NFIA: variants seen among roughly 807,000 people sequenced by gnomAD.
The protein encoded by NFIA is nuclear factor I A.
A neutral mutation model predicts 62.8 loss-of-function variants in NFIA; 8 were observed. The observed-to-expected ratio is 0.13, with a 90% CI of 0.07 to 0.23. The LOEUF (loss-of-function observed/expected upper bound fraction) is 0.23. Ranked by LOEUF, NFIA falls within the 10% of genes least tolerant of loss-of-function variation. The pLI is 1.00. For missense variants in NFIA, 410 were observed against 642.1 expected (o/e 0.64, Z 3.91); for synonymous variants, 235 against 238.1 (o/e 0.99, Z 0.12).
Position 61,363,355 on chromosome 1 carries a change from A to C in NFIA, c.946+4081A>C, listed in dbSNP as rs143801496. Among the ~76,000 whole-genome samples the C allele has an allele frequency of 7.3e-3, 1,115 of 152,324 alleles. 6 individuals carry two copies. The highest frequency in any genetic ancestry group is 0.012 in the Non-Finnish European group (805 of 68,012). ...TGTGATGGCTCACGCCTGTAATCCC[A>C]GCACTTTGGGAGGCCGAGGTGGACG... On this transcript the variant is annotated intron_variant, in intron 6 of 10. Transcript: ENST00000403491.
intron 1 of NFIA, among the ~76,000 whole-genome samples, chr1:61,083,686 C>T (rs967214646): frequency 7.9e-5 from 12 of 151,406 alleles, no homozygotes; most frequent in Admixed American, 3.3e-4. Context: ...GGCCGCGGGC[C>T]GGGTAGCGCC....
At chr1:61,153,230 A>C (rs1350890235) in intron 2 of NFIA, among the ~76,000 whole-genome samples, 1 of 152,236 alleles carries the variant, frequency 6.6e-6, no homozygotes, top group Non-Finnish European at 1.5e-5. Context: ...CTAGTTTGCC[A>C]TAATCCCCAC....
At chr1:61,203,284 G>A (rs1158335324) in intron 2 of NFIA, among the ~76,000 whole-genome samples, 7 of 152,160 alleles carry the variant, frequency 4.6e-5, no homozygotes, top group Non-Finnish European at 1.0e-4. Context: ...ATAAGCCCCA[G>A]AATCTTTTGA....
intron 3 of NFIA, among the ~76,000 whole-genome samples, chr1:61,318,128 G>A (rs1660467103): frequency 6.6e-6 from 1 of 152,180 alleles, no homozygotes. Context: ...ATTTAGCCCT[G>A]AGTATTTGTT....
chr1:61,101,336 A>T (rs1337345878), intron 2 of NFIA, among the ~76,000 whole-genome samples: 2 of 149,828 alleles, frequency 1.3e-5, no homozygotes, highest in South Asian at 2.2e-4. Context: ...CAAAGGTTGT[A>T]GTGAGCTGAG....
intron 10 of NFIA, among the ~76,000 whole-genome samples, chr1:61,445,447 A>T (rs905277581): frequency 3.3e-5 from 5 of 152,220 alleles, no homozygotes; most frequent in Non-Finnish European, 5.9e-5. Flanking sequence ...AAATCTGAAC[A>T]TAAAAAGCAT....
chr1:61,219,720 A>AAAAAAG (rs1553162641), intron 2 of NFIA, among the ~76,000 whole-genome samples: 2 of 150,610 alleles, frequency 1.3e-5, no homozygotes, highest in African/African-American at 2.5e-5. Flanking sequence ...TCTCAAAAAA[A>AAAAAAG]AAAAAAGAAA....
chr1:61,211,481 TTA>T (rs1261525295), intron 2 of NFIA, among the ~76,000 whole-genome samples: 1 of 152,186 alleles, frequency 6.6e-6, no homozygotes, highest in African/African-American at 2.4e-5. Flanking sequence ...CTTTCATGGA[TTA>T]TCTCATTTAA....
chr1:61,078,133 C>G (rs1196742762), upstream of NFIA, among the ~76,000 whole-genome samples: 1 of 151,914 alleles, frequency 6.6e-6, no homozygotes, highest in Non-Finnish European at 1.5e-5. Context: ...TTCTCAATAG[C>G]CAGAGGGGGC....
chr1:61,228,691 A>T lies in NFIA; in HGVS notation c.560-48829A>T, dbSNP rs913373748. ...AAATACTGGGCTTTCTGTATTTTTTAAAAAAAATGTGTACATGAAGGTTTT... is the reference window on the plus strand; with the variant it reads ...AAATACTGGGCTTTCTGTATTTTTTTAAAAAAATGTGTACATGAAGGTTTT... On this transcript the variant is annotated intron_variant, in intron 2 of 10. Coordinates refer to ENST00000403491, the MANE Select transcript of NFIA (RefSeq NM_001134673.4). Among the ~76,000 whole-genome samples, 56 of 123,608 alleles carry T rather than the reference A, an allele frequency of 4.5e-4. No homozygotes were observed. The Middle Eastern group carries it at 0.012, about 26-fold the overall frequency. 81.1% of individuals were successfully genotyped at this position (123,608 alleles called of 152,430 possible). A position where few individuals can be genotyped will look rare whatever the true frequency, so the allele number is the denominator to read the frequency against.
intron 3 of NFIA, among the ~76,000 whole-genome samples, chr1:61,332,227 A>T (rs550533324): frequency 6.6e-6 from 1 of 152,284 alleles, no homozygotes; most frequent in Non-Finnish European, 1.5e-5. Flanking sequence ...CAAGGTAACT[A>T]TTTATTGTAA....
intron 2 of NFIA, among the ~76,000 whole-genome samples, chr1:61,141,024 C>A (rs1230571303): frequency 7.0e-6 from 1 of 141,992 alleles, no homozygotes; most frequent in Non-Finnish European, 1.5e-5. Flanking sequence ...AGAGGAACGC[C>A]AACAGAATGG....
At chr1:61,363,471 C>T (rs2100451043) in intron 6 of NFIA, among the ~76,000 whole-genome samples, 1 of 151,854 alleles carries the variant, frequency 6.6e-6, no homozygotes, top group East Asian at 1.9e-4. Context: ...GCGCATGGTG[C>T]TGCATGCCTA....
intron 2 of NFIA, among the ~76,000 whole-genome samples, chr1:61,265,679 T>C (rs1657112679): frequency 6.6e-6 from 1 of 152,216 alleles, no homozygotes; most frequent in Non-Finnish European, 1.5e-5. Context: ...AAAATACATA[T>C]TTTTAAGTAT....
At chr1:61,394,538 A>G (rs1323539776) in intron 7 of NFIA, among the ~76,000 whole-genome samples, 1 of 152,228 alleles carries the variant, frequency 6.6e-6, no homozygotes, top group African/African-American at 2.4e-5. Flanking sequence ...GAAATGTTAA[A>G]TAATTTTGCC....
chr1:61,127,664 A>G (rs1646999967), intron 2 of NFIA, among the ~76,000 whole-genome samples: 1 of 152,194 alleles, frequency 6.6e-6, no homozygotes, highest in African/African-American at 2.4e-5. Flanking sequence ...TATTTCTTGA[A>G]TTCTCTTGAT....
chr1:61,290,568 A>G (rs1274178604), intron 3 of NFIA, among the ~76,000 whole-genome samples: 3 of 152,200 alleles, frequency 2.0e-5, no homozygotes, highest in Non-Finnish European at 4.4e-5. Context: ...CCACACTGAA[A>G]GCTTTTCAGT....
chr1:61,425,387 T>C (rs1666820491), intron 9 of NFIA, among the ~76,000 whole-genome samples: 2 of 152,348 alleles, frequency 1.3e-5, no homozygotes, highest in East Asian at 3.9e-4. Context: ...TTTAAAAAGT[T>C]GCATATCCTG....
chr1:61,198,923 C>T (rs566617159), intron 2 of NFIA, among the ~76,000 whole-genome samples: 8 of 152,188 alleles, frequency 5.3e-5, no homozygotes, highest in Non-Finnish European at 1.2e-4. Context: ...GGCTTGCCCC[C>T]CTCCTTCATC....
Sources: gnomAD v4.1 joint callset for allele counts (sites outside exome capture counted in the v4.1 genomes callset) on GRCh38, gnomAD v4.1.1 for gene constraint, MANE v1.5 for transcripts, NCBI Gene and HGNC (gene_info 2026-07-23, HGNC 2026-07-21) for gene names.